The following POLE2 variants were observed in gnomAD, a reference collection of about 807,000 sequenced individuals.
The protein encoded by POLE2 is DNA polymerase epsilon subunit 2.
Under a neutral mutation model 79.4 loss-of-function variants are expected in POLE2, and 56 were observed. That is an observed-to-expected ratio of 0.71 (90% confidence interval 0.57 to 0.88). The LOEUF (loss-of-function observed/expected upper bound fraction) is 0.88. POLE2 is among the 40% of genes least tolerant of loss of function. The pLI, the probability that POLE2 is intolerant of heterozygous loss-of-function variation, is 0.00. For missense variants in POLE2, 598 were observed against 638.9 expected (o/e 0.94, Z 0.69); for synonymous variants, 212 against 214.0 (o/e 0.99, Z 0.08).
At chr14:49,676,894 G>A (rs564268952) in intron 3 of POLE2, among the ~76,000 whole-genome samples, 4 of 152,320 alleles carry the variant, frequency 2.6e-5, no homozygotes, top group South Asian at 2.1e-4. Context: ...ATCCCTGGGC[G>A]CTTAGTGCAT....
Position 49,663,370 on chromosome 14 carries a change from C to T in POLE2, c.700G>A (p.Val234Met). 2 of 1,610,000 alleles carry T rather than the reference C, an allele frequency of 1.2e-6. No individual in the cohort carries two copies. The highest frequency in any genetic ancestry group is 2.2e-5 in the East Asian group (1 of 44,742). The part of the protein sequence containing the change: ...VLAEGWFEDQ[V>M]FHVNAFGFPP... ...AATCCAAAGGCATTGACATGAAACA[C>T]TTGATCTTCAAACCAACCTGAAAAA... Residue 234 changes from valine to methionine, a missense_variant, in exon 10 of 19, where the codon GTG (valine) becomes ATG (methionine). Coordinates refer to ENST00000216367, the MANE Select transcript of POLE2 (RefSeq NM_002692.4).
chr14:49,669,190 G>A (rs888792331), intron 6 of POLE2, among the ~76,000 whole-genome samples: 1 of 152,208 alleles, frequency 6.6e-6, no homozygotes, highest in Non-Finnish European at 1.5e-5. Context: ...TGGTCACTAA[G>A]GGATGAGTGA....
At chr14:49,651,649 A>C (rs948978609) in intron 15 of POLE2, among the ~76,000 whole-genome samples, 4 of 152,190 alleles carry the variant, frequency 2.6e-5, no homozygotes, top group African/African-American at 9.7e-5. Context: ...TGAGAAAATA[A>C]AAAGCGAACA....
intron 2 of POLE2, among the ~76,000 whole-genome samples, chr14:49,680,645 C>T (rs1336125696): frequency 6.6e-6 from 1 of 152,076 alleles, no homozygotes; most frequent in Non-Finnish European, 1.5e-5. Flanking sequence ...TAGAGAGCAA[C>T]AAAAACCCAG....
At chr14:49,686,111 G>A (rs998393893) in intron 1 of POLE2, among the ~76,000 whole-genome samples, 6 of 152,092 alleles carry the variant, frequency 3.9e-5, no homozygotes, top group African/African-American at 1.4e-4. Context: ...AGACTTCTAA[G>A]ATGGCCCCTA....
chr14:49,657,112 CA>C (rs35156256), intron 10 of POLE2, among the ~76,000 whole-genome samples: 4,275 of 123,078 alleles, frequency 0.035, 189 homozygotes, highest in African/African-American at 0.11. Flanking sequence ...GATTTTGCCT[CA>C]AAAAAAAAAA....
chr14:49,664,533 T>C (rs1253432263), intron 9 of POLE2, 93 bp downstream of exon 9: 1 of 821,756 alleles, frequency 1.2e-6, no homozygotes, highest in Non-Finnish European at 2.1e-6. Context: ...ATTAATGGTA[T>C]CCCAAATTAT....
chr14:49,668,272 AGAAAG>A (rs1413180475), intron 6 of POLE2, among the ~76,000 whole-genome samples: 3 of 152,134 alleles, frequency 2.0e-5, no homozygotes, highest in Non-Finnish European at 2.9e-5. Context: ...TCTGCCAGAA[AGAAAG>A]GAAAGGAAAG....
At position 49,686,726 on chromosome 14, in the gene POLE2, T is replaced by C. The variant is rs372593717; in HGVS notation, c.68+1410A>G. On this transcript the variant is annotated intron_variant, in intron 1 of 18. Transcript: ENST00000216367. The stretch of plus-strand genomic sequence containing the variant: ...CAGCTAACAGATTTAAGTATACTTA[T>C]GACTGAAATAATTAATGAACAAAAG... Among the ~76,000 whole-genome samples, 147 of 152,352 alleles carry C rather than the reference T, an allele frequency of 9.6e-4. 4 individuals carry two copies. In the South Asian group the frequency reaches 0.029, roughly 30 times the overall value.
intron 3 of POLE2, chr14:49,677,918 G>C (rs1467798670): frequency 3.1e-6 from 1 of 323,662 alleles, no homozygotes; most frequent in African/African-American, 2.2e-5. Flanking sequence ...ATATTGAGAA[G>C]GTGGCGCCTT....
At chr14:49,646,658 A>C (rs1313848089) in intron 18 of POLE2, 1 of 152,102 alleles carries the variant, frequency 6.6e-6, no homozygotes, top group Non-Finnish European at 1.5e-5. Context: ...GAACTTTTTC[A>C]AAATACAGTT....
chr14:49,646,301 G>GTTTTTTTTTT (rs1566522550), intron 18 of POLE2, among the ~76,000 whole-genome samples: 6 of 90,770 alleles, frequency 6.6e-5, no homozygotes, highest in African/African-American at 2.8e-4. Context: ...TTTTTTTGTT[G>GTTTTTTTTTT]GTTTTTTTTT....
At chr14:49,658,135 G>C (rs914792851) in intron 10 of POLE2, among the ~76,000 whole-genome samples, 1 of 151,416 alleles carries the variant, frequency 6.6e-6, no homozygotes, top group African/African-American at 2.4e-5. Flanking sequence ...GGAGTGCAAT[G>C]GCATGATCTC....
At chr14:49,679,263 C>T (rs112096475) in intron 3 of POLE2, among the ~76,000 whole-genome samples, 6 of 152,182 alleles carry the variant, frequency 3.9e-5, no homozygotes, top group African/African-American at 1.4e-4. Flanking sequence ...GAATTACTGC[C>T]ATATAAATTC....
intron 18 of POLE2, among the ~76,000 whole-genome samples, chr14:49,644,305 G>A (rs1883605185): frequency 4.0e-5 from 6 of 150,990 alleles, no homozygotes; most frequent in Admixed American, 2.6e-4. Flanking sequence ...GAGGTCAGGA[G>A]TTCGAGACCA....
intron 5 of POLE2, among the ~76,000 whole-genome samples, chr14:49,670,394 G>T (rs977764926): frequency 2.0e-5 from 3 of 150,288 alleles, no homozygotes; most frequent in Non-Finnish European, 3.0e-5. Context: ...AGGAAGCTAT[G>T]CAAAGTTTAA....
intron 5 of POLE2, among the ~76,000 whole-genome samples, chr14:49,671,684 G>T (rs1275814622): frequency 6.6e-6 from 1 of 151,000 alleles, no homozygotes; most frequent in East Asian, 1.9e-4. Flanking sequence ...GCTGGGCATG[G>T]TGGCTCATGC....
chr14:49,677,984 A>C (rs537393469), intron 3 of POLE2: 440 of 197,900 alleles, frequency 2.2e-3, no homozygotes, highest in Non-Finnish European at 3.0e-3. Context: ...TTCTTTCTTT[A>C]TTTTATTTTA....
rs1279518354 is a variant in POLE2, at chr14:49,646,306, T to G, written c.1565+987A>C. 6.0e-3 allele frequency among the ~76,000 whole-genome samples: 308 copies of G among 51,350 alleles called. 3 individuals carry two copies. Among genetic ancestry groups the G allele is most frequent in the Non-Finnish European group, 0.011 (210 of 19,880 alleles). 33.7% of individuals were successfully genotyped at this position (51,350 alleles called of 152,430 possible). ...TGGTCAGTTGTTTTTTTGTTGGTTT[T>G]TTTTTTTTTTTTTTTTTTTTTTTTT... On this transcript the variant is annotated intron_variant, in intron 18 of 18. Transcript: ENST00000216367.
Sources: allele counts gnomAD v4.1 joint callset (sites outside exome capture counted in the v4.1 genomes callset), GRCh38; gene constraint gnomAD v4.1.1; transcripts MANE v1.5; gene names NCBI Gene and HGNC (gene_info 2026-07-23, HGNC 2026-07-21).